Variants in STPG2 observed in about 807,000 individuals in gnomAD.
The protein encoded by STPG2 is sperm tail PG-rich repeat containing 2.
Under a neutral mutation model 54.2 loss-of-function variants are expected in STPG2, and 56 were observed. The ratio of observed to expected loss-of-function variants is 1.03; its 90% CI spans 0.83 to 1.29. The LOEUF (loss-of-function observed/expected upper bound fraction) is 1.29. Ranked by LOEUF, STPG2 falls within the 50% of genes most tolerant of loss-of-function variation. The pLI is 0.00. For missense variants in STPG2, 596 were observed against 544.9 expected (o/e 1.09, Z -0.93); for synonymous variants, 200 against 181.8 (o/e 1.10, Z -0.81).
At chr4:97,787,246 A>T (rs1726855080) in intron 9 of STPG2, among the ~76,000 whole-genome samples, 1 of 152,124 alleles carries the variant, frequency 6.6e-6, no homozygotes, top group Admixed American at 6.6e-5. Flanking sequence ...ACGATGGATA[A>T]CAATGGTGAG....
chr4:97,983,100 AG>A (rs2149264338), intron 5 of STPG2, among the ~76,000 whole-genome samples: 1 of 152,288 alleles, frequency 6.6e-6, no homozygotes, highest in African/African-American at 2.4e-5. Flanking sequence ...AATTTTCTTC[AG>A]TCTCTGCCAC....
At chr4:97,534,478 T>C (rs1731484922) in intron 4 of STPG2, among the ~76,000 whole-genome samples, 1 of 152,182 alleles carries the variant, frequency 6.6e-6, no homozygotes, top group Admixed American at 6.5e-5. Flanking sequence ...TCTGGGTTCA[T>C]ATCCTTCCAT....
At chr4:97,885,157 A>G (rs1273320534) in intron 8 of STPG2, among the ~76,000 whole-genome samples, 2 of 138,650 alleles carry the variant, frequency 1.4e-5, no homozygotes, top group Non-Finnish European at 3.3e-5. Context: ...GACAGTGTAC[A>G]TTTAGAAGAC....
chr4:97,751,673 T>C (rs1725584478), intron 9 of STPG2, among the ~76,000 whole-genome samples: 1 of 151,746 alleles, frequency 6.6e-6, no homozygotes, highest in South Asian at 2.1e-4. Context: ...TAAACAAACA[T>C]AACTGAATTG....
chr4:97,779,969 G>GTACCAACTGTAC (rs1266824565), intron 9 of STPG2, among the ~76,000 whole-genome samples: 1 of 151,432 alleles, frequency 6.6e-6, no homozygotes, highest in African/African-American at 2.4e-5. Flanking sequence ...ACCAGCCACT[G>GTACCAACTGTAC]CAAAAACATG....
intron 5 of STPG2, among the ~76,000 whole-genome samples, chr4:98,080,640 T>C (rs1279231939): frequency 1.3e-5 from 2 of 151,778 alleles, no homozygotes; most frequent in African/African-American, 4.8e-5. Flanking sequence ...ATAAATGGAG[T>C]TGGAAACATT....
intron 9 of STPG2, among the ~76,000 whole-genome samples, chr4:97,780,835 G>C (rs540078294): frequency 0.016 from 2,484 of 151,538 alleles, 60 homozygotes; most frequent in African/African-American, 0.057. Context: ...ATGACTACTG[G>C]GTACATAAGG....
At chr4:98,063,534 A>G (rs1011790367) in intron 5 of STPG2, among the ~76,000 whole-genome samples, 2 of 152,192 alleles carry the variant, frequency 1.3e-5, no homozygotes, top group South Asian at 4.1e-4. Flanking sequence ...AATGTAGCCA[A>G]AACTATTCCA....
intron 5 of STPG2, chr4:98,025,640 T>A: frequency 1.2e-6 from 1 of 854,590 alleles, no homozygotes. Context: ...ACTGCCAAAA[T>A]ATGGTATGAA....
intron 8 of STPG2, among the ~76,000 whole-genome samples, chr4:97,842,812 C>A (rs1578613224): frequency 6.6e-6 from 1 of 151,788 alleles, no homozygotes; most frequent in Admixed American, 6.6e-5. Flanking sequence ...TTCATGACCA[C>A]CTGCTGCTAT....
intron 5 of STPG2, among the ~76,000 whole-genome samples, chr4:98,070,630 A>C (rs1234089878): frequency 6.6e-6 from 1 of 152,110 alleles, no homozygotes; most frequent in Non-Finnish European, 1.5e-5. Context: ...TCTCAGCCCA[A>C]AACCTTCTTA....
chr4:98,066,401 C>T (rs1737836661), intron 5 of STPG2, among the ~76,000 whole-genome samples: 1 of 151,978 alleles, frequency 6.6e-6, no homozygotes, highest in Non-Finnish European at 1.5e-5. Context: ...CCAGCCTGGC[C>T]AACATGGTGA....
intron 10 of STPG2, among the ~76,000 whole-genome samples, chr4:97,706,811 A>G (rs1723957894): frequency 6.6e-6 from 1 of 152,220 alleles, no homozygotes; most frequent in Admixed American, 6.5e-5. Flanking sequence ...AAGCCTTACA[A>G]GTGTCAAATT....
At chr4:98,069,965 G>A (rs1737950733) in intron 5 of STPG2, among the ~76,000 whole-genome samples, 1 of 151,972 alleles carries the variant, frequency 6.6e-6, no homozygotes, top group Admixed American at 6.6e-5. Context: ...GTACAAAAAA[G>A]AGCTAGTACC....
chr4:97,968,733 A>G lies in STPG2; in HGVS notation c.933+3547T>C, dbSNP rs149032559. ...AAGAAAAGGCCTTTGACAAAATTCAACAGCCTTCATGTGTAGGGAGACCCC... is the reference window on the plus strand; with the variant it reads ...AAGAAAAGGCCTTTGACAAAATTCAGCAGCCTTCATGTGTAGGGAGACCCC... On this transcript the variant is annotated intron_variant, in intron 7 of 10. Transcript: ENST00000295268. 7.0e-3 allele frequency among the ~76,000 whole-genome samples: 1,070 copies of G among 152,380 alleles called. 7 individuals carry two copies. Among genetic ancestry groups the G allele is most frequent in the Non-Finnish European group, 0.011 (781 of 68,034 alleles).
intron 9 of STPG2, among the ~76,000 whole-genome samples, chr4:97,731,577 G>A (rs1188349828): frequency 1.3e-5 from 2 of 152,188 alleles, no homozygotes; most frequent in Non-Finnish European, 2.9e-5. Context: ...AAGCTGGCCT[G>A]AACATCTAGT....
intron 9 of STPG2, among the ~76,000 whole-genome samples, chr4:97,797,795 C>T (rs963583493): frequency 4.6e-5 from 7 of 152,098 alleles, no homozygotes; most frequent in African/African-American, 1.4e-4. Context: ...TGGTAGAATT[C>T]GGCTGCGAAT....
In STPG2 at chr4:97,764,512, G is replaced by A. The variant is rs958529289; in HGVS notation, c.1205-51698C>T. Among the ~76,000 whole-genome samples the A allele has an allele frequency of 2.6e-5, 4 of 152,218 alleles. No individual in the cohort carries two copies. The South Asian group carries it at 6.2e-4, about 24-fold the overall frequency. ...TTAAAGGATACAAGGCTGGAAAGAT[G>A]AGAATATGTTAGATGAGAGAATTAG... On this transcript the variant is annotated intron_variant, in intron 9 of 10. Coordinates refer to ENST00000295268, the MANE Select transcript of STPG2 (RefSeq NM_174952.3).
chr4:97,714,228 A>G (rs1167826830), intron 9 of STPG2, among the ~76,000 whole-genome samples: 4 of 152,214 alleles, frequency 2.6e-5, no homozygotes, highest in African/African-American at 9.6e-5. Flanking sequence ...ATGCTTTAAA[A>G]TCTAAAATAT....
Sources: gnomAD v4.1 joint callset for allele counts (sites outside exome capture counted in the v4.1 genomes callset) on GRCh38, gnomAD v4.1.1 for gene constraint, MANE v1.5 for transcripts, NCBI Gene and HGNC (gene_info 2026-07-23, HGNC 2026-07-21) for gene names.